ZNF69: variants seen among roughly 807,000 people sequenced by gnomAD.
The protein encoded by ZNF69 is zinc finger protein 69.
Under a neutral mutation model 50.9 loss-of-function variants are expected in ZNF69, and 47 were observed. The ratio of observed to expected loss-of-function variants is 0.92; its 90% CI spans 0.73 to 1.18. ZNF69 has a LOEUF of 1.18. Ranked by LOEUF, ZNF69 falls within the 50% of genes most tolerant of loss-of-function variation. The pLI, the probability that ZNF69 is intolerant of heterozygous loss-of-function variation, is 0.00. For synonymous variants in ZNF69, 216 were observed against 223.1 expected (o/e 0.97, Z 0.29); for missense variants, 717 against 675.1 (o/e 1.06, Z -0.69).
At chr19:11,971,879 C>G in the ZNF69 span, among the ~76,000 whole-genome samples, 1 of 152,080 alleles carries the variant, frequency 6.6e-6, no homozygotes, top group South Asian at 2.1e-4. Flanking sequence ...GCCTGACAAA[C>G]GTGGAGGTTT....
the ZNF69 span, among the ~76,000 whole-genome samples, chr19:11,952,179 C>T: frequency 6.7e-6 from 1 of 149,934 alleles, no homozygotes; most frequent in Middle Eastern, 3.2e-3. Context: ...AACTCCATCT[C>T]AAAAAAAAAG....
the ZNF69 span, chr19:11,978,265 T>G: frequency 3.1e-6 from 5 of 1,613,936 alleles, no homozygotes. Context: ...TGTGGAGAAG[T>G]TGGCATAGGT....
the ZNF69 span, among the ~76,000 whole-genome samples, chr19:11,959,933 C>G: frequency 2.0e-5 from 3 of 151,992 alleles, no homozygotes; most frequent in Non-Finnish European, 4.4e-5. Flanking sequence ...TATTTTTTCA[C>G]TGGTTGCCAT....
chr19:11,948,412 G>A, the ZNF69 span: 3 of 1,614,168 alleles, frequency 1.9e-6, no homozygotes, highest in East Asian at 4.5e-5. Flanking sequence ...TGACAGCTTT[G>A]TGTGTGCAGA....
At chr19:11,970,938 TA>T in the ZNF69 span, among the ~76,000 whole-genome samples, 334 of 148,940 alleles carry the variant, frequency 2.2e-3, 1 homozygote, top group Non-Finnish European at 3.7e-3. Flanking sequence ...TTTCAAAAAA[TA>T]AAAAAAAAAC....
the ZNF69 span, among the ~76,000 whole-genome samples, chr19:11,922,139 A>G: frequency 1.3e-5 from 2 of 151,736 alleles, no homozygotes; most frequent in African/African-American, 4.8e-5. Flanking sequence ...AAAAAAAAAG[A>G]GACAGATTCT....
At chr19:11,977,417 C>T in the ZNF69 span, 1 of 1,613,894 alleles carries the variant, frequency 6.2e-7, no homozygotes, top group Non-Finnish European at 8.5e-7. Context: ...ACCAAAACCC[C>T]AGGAGAAACT....
the ZNF69 span, among the ~76,000 whole-genome samples, chr19:11,936,987 C>T: frequency 6.6e-6 from 1 of 152,146 alleles, no homozygotes; most frequent in African/African-American, 2.4e-5. Flanking sequence ...CGTCAAAGAT[C>T]AGATGGTTGT....
At chr19:11,948,393 A>G in the ZNF69 span, 2 of 1,614,100 alleles carry the variant, frequency 1.2e-6, no homozygotes, top group Non-Finnish European at 1.7e-6. Flanking sequence ...CTCCTGAAGT[A>G]AAATCATGTG....
At chr19:11,897,498 C>T (rs547520875) in intron 1 of ZNF69, among the ~76,000 whole-genome samples, 17 of 151,322 alleles carry the variant, frequency 1.1e-4, no homozygotes, top group African/African-American at 3.9e-4. Flanking sequence ...TCTGTTGAGC[C>T]TAAGAGTTCG....
chr19:11,974,723 C>T, the ZNF69 span, among the ~76,000 whole-genome samples: 1 of 152,046 alleles, frequency 6.6e-6, no homozygotes, highest in African/African-American at 2.4e-5. Flanking sequence ...CCACCTCAGC[C>T]TCCCAGGTAA....
the ZNF69 span, chr19:11,977,570 T>C: frequency 1.8e-6 from 2 of 1,126,354 alleles, no homozygotes; most frequent in Non-Finnish European, 2.5e-6. Context: ...ATCATATATT[T>C]ACATGTGACT....
intron 1 of ZNF69, among the ~76,000 whole-genome samples, chr19:11,901,967 G>T (rs866769337): frequency 1.3e-5 from 2 of 148,940 alleles, no homozygotes; most frequent in African/African-American, 4.9e-5. Flanking sequence ...TATAGGCCAA[G>T]ATGTTATTTT....
the ZNF69 span, chr19:11,979,738 C>G: frequency 1.1e-5 from 17 of 1,594,324 alleles, no homozygotes; most frequent in African/African-American, 1.4e-5. Flanking sequence ...GGAAAGCCTT[C>G]AGATCTGCCC....
the ZNF69 span, chr19:11,949,047 A>C: frequency 6.2e-7 from 1 of 1,606,848 alleles, no homozygotes; most frequent in Non-Finnish European, 8.5e-7. Flanking sequence ...AATATGGGGA[A>C]GGCTTATCCT....
At chr19:11,902,489 G>C (rs1276038491) in intron 1 of ZNF69, among the ~76,000 whole-genome samples, 1 of 151,946 alleles carries the variant, frequency 6.6e-6, no homozygotes, top group Non-Finnish European at 1.5e-5. Context: ...AGTACATACA[G>C]TGCCAGGTAT....
the ZNF69 span, chr19:11,925,043 C>A: frequency 1.5e-6 from 1 of 646,848 alleles, no homozygotes; most frequent in Non-Finnish European, 2.6e-6. Flanking sequence ...AGTATTTCAT[C>A]CAATCAGAGG....
chr19:11,965,061 C>T, the ZNF69 span: 1 of 998,306 alleles, frequency 1.0e-6, no homozygotes, highest in Non-Finnish European at 1.5e-6. Context: ...TTTGTCCTTG[C>T]GCAGCCGGTG....
chr19:11,950,289 T>G, the ZNF69 span: 1 of 1,580,534 alleles, frequency 6.3e-7, no homozygotes, highest in Admixed American at 2.0e-5. Context: ...AGACTCACAC[T>G]GGAAGGAAGC....
Sources: gnomAD v4.1 joint callset for allele counts (sites outside exome capture counted in the v4.1 genomes callset) on GRCh38, gnomAD v4.1.1 for gene constraint, MANE v1.5 for transcripts, NCBI Gene and HGNC (gene_info 2026-07-23, HGNC 2026-07-21) for gene names.